Variants in MRRF observed in about 807,000 individuals in gnomAD.
MRRF encodes mitochondrial ribosome recycling factor.
A neutral mutation model predicts 25.1 loss-of-function variants in MRRF; 18 were observed. The ratio of observed to expected loss-of-function variants is 0.72; its 90% CI spans 0.50 to 1.06. The LOEUF (loss-of-function observed/expected upper bound fraction) is 1.06. Among genes scored for constraint, MRRF ranks in the 50% least tolerant of loss-of-function variants. MRRF has a pLI of 0.00. For synonymous variants in MRRF, 113 were observed against 112.1 expected (o/e 1.01, Z -0.05); for missense variants, 323 against 319.3 (o/e 1.01, Z -0.09).
intron 4 of MRRF, among the ~76,000 whole-genome samples, chr9:122,289,035 T>C (rs1350001454): frequency 1.3e-5 from 2 of 152,288 alleles, no homozygotes; most frequent in Admixed American, 6.5e-5. Flanking sequence ...TATGCCCCTT[T>C]AGTCTGAACT....
Position 122,290,185 on chromosome 9 carries a change from A to G in MRRF, c.460-1564A>G, listed in dbSNP as rs1459488502. Among the ~76,000 whole-genome samples the G allele has an allele frequency of 3.3e-5, 5 of 152,226 alleles. No homozygotes were observed. In the East Asian group the frequency reaches 5.8e-4, roughly 18 times the overall value. On this transcript the variant is annotated intron_variant, in intron 4 of 6. Coordinates refer to ENST00000344641, the MANE Select transcript of MRRF (RefSeq NM_138777.5). Reference sequence around the variant, plus strand: ...GCATCATTGGATTAAATCCCTATTCAGTCTCCTCTTAACTCTGCCAGTAAC... The same window carrying G: ...GCATCATTGGATTAAATCCCTATTCGGTCTCCTCTTAACTCTGCCAGTAAC...
rs563268615 is a variant in MRRF at position 122,301,900 on chromosome 9, ATT to A, written c.551+10074_551+10075del. The stretch of plus-strand genomic sequence containing the variant: ...AGACATGCACCACCACACCCGGCTA[ATT>A]TTTTTTTTTTTTTGTATTTTTAGTA... On this transcript the variant is annotated intron_variant, in intron 5 of 6. Coordinates refer to ENST00000344641, the MANE Select transcript of MRRF (RefSeq NM_138777.5). Among the ~76,000 whole-genome samples the A allele has an allele frequency of 4.1e-3, 574 of 141,070 alleles. 4 individuals are homozygous for A. The highest frequency in any genetic ancestry group is 0.014 in the African/African-American group (542 of 38,580). 92.5% of individuals were successfully genotyped at this position (141,070 alleles called of 152,430 possible). A position where few individuals can be genotyped will look rare whatever the true frequency, so the allele number is the denominator to read the frequency against.
chr9:122,318,094 C>T (rs866459932), intron 6 of MRRF, among the ~76,000 whole-genome samples: 6 of 152,078 alleles, frequency 3.9e-5, no homozygotes, highest in Admixed American at 3.3e-4. Flanking sequence ...CGAAATCGCG[C>T]CACTACATTC....
chr9:122,308,905 C>T (rs1835036308), intron 5 of MRRF, among the ~76,000 whole-genome samples: 1 of 152,056 alleles, frequency 6.6e-6, no homozygotes, highest in Non-Finnish European at 1.5e-5. Flanking sequence ...GTCTCACTGA[C>T]TTGTCCAGGC....
intron 6 of MRRF, among the ~76,000 whole-genome samples, chr9:122,319,427 A>G (rs1302582186): frequency 6.6e-6 from 1 of 151,858 alleles, no homozygotes; most frequent in African/African-American, 2.4e-5. Context: ...TGGGATTACA[A>G]CCACTGACTT....
chr9:122,302,353 G>T (rs970076528), intron 5 of MRRF, among the ~76,000 whole-genome samples: 1 of 152,102 alleles, frequency 6.6e-6, no homozygotes, highest in African/African-American at 2.4e-5. Context: ...GACTTTGACC[G>T]CAGAACCTTC....
At chr9:122,266,883 C>T (rs987699822) in intron 1 of MRRF, among the ~76,000 whole-genome samples, 1 of 151,714 alleles carries the variant, frequency 6.6e-6, no homozygotes, top group Non-Finnish European at 1.5e-5. Context: ...ACCATCCTGG[C>T]TAACACGGTG....
rs553268371 is a variant in MRRF, at chr9:122,291,712, T to C, written c.460-37T>C. 1.2e-5 allele frequency: 17 copies of C among 1,433,396 alleles called. No homozygotes were observed. The East Asian group carries it at 1.6e-4, about 13-fold the overall frequency. 88.8% of individuals were successfully genotyped at this position (1,433,396 alleles called of 1,614,324 possible). A position where few individuals can be genotyped will look rare whatever the true frequency, so the allele number is the denominator to read the frequency against. ...GAGGGCTTGCATCTGGTAATAATTA[T>C]TTACTAATTCTGTTTACCTTTTGAT... is the stretch of plus-strand genomic sequence containing the variant. On this transcript the variant is annotated intron_variant, in intron 4 of 6. Coordinates refer to ENST00000344641, the MANE Select transcript of MRRF (RefSeq NM_138777.5).
chr9:122,289,936 C>T (rs1314706629), intron 4 of MRRF, among the ~76,000 whole-genome samples: 1 of 151,122 alleles, frequency 6.6e-6, no homozygotes, highest in Non-Finnish European at 1.5e-5. Flanking sequence ...TTTTTTCCTC[C>T]TGCAGCTACT....
At chr9:122,283,888 GA>G (rs1273814825) in intron 3 of MRRF, among the ~76,000 whole-genome samples, 1 of 152,040 alleles carries the variant, frequency 6.6e-6, no homozygotes, top group Non-Finnish European at 1.5e-5. Flanking sequence ...TGCCATTTTT[GA>G]AAATTTTTCC....
intron 3 of MRRF, among the ~76,000 whole-genome samples, chr9:122,283,584 G>C (rs941683078): frequency 6.6e-6 from 1 of 152,220 alleles, no homozygotes; most frequent in Non-Finnish European, 1.5e-5. Context: ...AGCCACTGCT[G>C]TCAGCAACCT....
rs554641768 is a variant in MRRF, at chr9:122,278,311, A to T, written c.185-2132A>T. Among the ~76,000 whole-genome samples the T allele has an allele frequency of 1.4e-4, 22 of 152,004 alleles. 1 individual carries two copies. Among genetic ancestry groups the T allele is most frequent in the Non-Finnish European group, 2.6e-4 (18 of 67,962 alleles). ...CTGAAATCACTTACAGCACCCAGATAAAAAAAACAGAACATTCTTAGCATG... is the reference window on the plus strand; with the variant it reads ...CTGAAATCACTTACAGCACCCAGATTAAAAAAACAGAACATTCTTAGCATG... On this transcript the variant is annotated intron_variant, in intron 2 of 6. Coordinates refer to ENST00000344641, the MANE Select transcript of MRRF (RefSeq NM_138777.5).
chr9:122,314,052 C>T (rs1217702895), intron 6 of MRRF, among the ~76,000 whole-genome samples: 2 of 152,138 alleles, frequency 1.3e-5, no homozygotes, highest in South Asian at 2.1e-4. Flanking sequence ...GGAGTTTGAA[C>T]GTTAACATGT....
intron 5 of MRRF, among the ~76,000 whole-genome samples, chr9:122,296,208 C>T (rs916068426): frequency 2.0e-5 from 3 of 152,044 alleles, no homozygotes; most frequent in African/African-American, 7.2e-5. Context: ...TGGATTATAT[C>T]TTTTCCCACT....
At chr9:122,293,476 G>A (rs1208555207) in intron 5 of MRRF, among the ~76,000 whole-genome samples, 1 of 152,168 alleles carries the variant, frequency 6.6e-6, no homozygotes, top group Non-Finnish European at 1.5e-5. Flanking sequence ...CAACACGGGA[G>A]TCCAGAAACT....
chr9:122,277,009 C>T (rs1832818437), intron 2 of MRRF, among the ~76,000 whole-genome samples: 1 of 152,072 alleles, frequency 6.6e-6, no homozygotes, highest in Non-Finnish European at 1.5e-5. Context: ...TACAGGCACG[C>T]ACGGCCATGC....
At chr9:122,283,876 C>T (rs1833224804) in intron 3 of MRRF, among the ~76,000 whole-genome samples, 1 of 152,130 alleles carries the variant, frequency 6.6e-6, no homozygotes, top group Non-Finnish European at 1.5e-5. Flanking sequence ...TGCTTGCCTT[C>T]TTGCCATTTT....
intron 5 of MRRF, among the ~76,000 whole-genome samples, chr9:122,292,298 C>T (rs1833827288): frequency 1.3e-5 from 2 of 152,142 alleles, no homozygotes; most frequent in Non-Finnish European, 2.9e-5. Context: ...TTTTGGGCAG[C>T]GTGAACAGCA....
In MRRF at chr9:122,315,526, C is replaced by T. The variant is rs555214598; in HGVS notation, c.711+2140C>T. On this transcript the variant is annotated intron_variant, in intron 6 of 6. Coordinates refer to ENST00000344641, the MANE Select transcript of MRRF (RefSeq NM_138777.5). ...GGTTTCCTTGGTATGCTAGAAAGCA[C>T]CATTAGTGTACCTAACACCCAAACC... Among the ~76,000 whole-genome samples the T allele has an allele frequency of 5.3e-5, 8 of 152,270 alleles. No homozygotes were observed. In the South Asian group the frequency reaches 1.7e-3, roughly 32 times the overall value.
Sources: allele counts gnomAD v4.1 joint callset (sites outside exome capture counted in the v4.1 genomes callset), GRCh38; gene constraint gnomAD v4.1.1; transcripts MANE v1.5; gene names NCBI Gene and HGNC (gene_info 2026-07-23, HGNC 2026-07-21).